The following INSYN2A variants were observed in gnomAD, a reference collection of about 807,000 sequenced individuals.
INSYN2A encodes inhibitory synaptic factor 2A, also known as family with sequence similarity 196 member A.
In INSYN2A, 17 loss-of-function variants were observed where a neutral mutation model predicts 39.4. The observed-to-expected ratio is 0.43, with a 90% CI of 0.30 to 0.65. The LOEUF is 0.65. INSYN2A is among the 30% of genes least tolerant of loss of function. The pLI is 0.14. For synonymous variants in INSYN2A, 255 were observed against 265.7 expected, an observed-to-expected ratio of 0.96 and a Z score of 0.39; for missense variants, 595 against 631.2, an observed-to-expected ratio of 0.94 and a Z score of 0.61.
At chr10:127,154,169 T>C (rs997476071) in intron 4 of INSYN2A, among the ~76,000 whole-genome samples, 2 of 152,318 alleles carry the variant, frequency 1.3e-5, no homozygotes, top group East Asian at 3.9e-4. Context: ...ATGAAGTAAA[T>C]AATATGATTT....
chr10:127,168,565 A>C (rs2054285747), intron 4 of INSYN2A, among the ~76,000 whole-genome samples: 1 of 152,184 alleles, frequency 6.6e-6, no homozygotes, highest in South Asian at 2.1e-4. Context: ...GAGACTGTCT[A>C]ATGTCACCCA....
intron 5 of INSYN2A, among the ~76,000 whole-genome samples, chr10:127,141,777 C>G (rs1232865888): frequency 1.3e-5 from 2 of 152,202 alleles, no homozygotes; most frequent in African/African-American, 4.8e-5. Flanking sequence ...CCTGTGTCCT[C>G]CCACAATGAG....
intron 4 of INSYN2A, among the ~76,000 whole-genome samples, chr10:127,155,583 G>C (rs969823079): frequency 6.6e-6 from 1 of 152,038 alleles, no homozygotes; most frequent in African/African-American, 2.4e-5. Flanking sequence ...CCCTCCCCTT[G>C]TTCCTCACCA....
At chr10:127,163,760 C>T (rs2053801620) in intron 4 of INSYN2A, among the ~76,000 whole-genome samples, 1 of 151,708 alleles carries the variant, frequency 6.6e-6, no homozygotes. Context: ...TAGTCTTGCA[C>T]CTAAACCAGG....
intron 5 of INSYN2A, among the ~76,000 whole-genome samples, chr10:127,149,539 G>T (rs2052273956): frequency 6.6e-6 from 1 of 152,210 alleles, no homozygotes; most frequent in Admixed American, 6.5e-5. Flanking sequence ...CTTGAACACA[G>T]TATCCTTTTC....
intron 4 of INSYN2A, among the ~76,000 whole-genome samples, chr10:127,165,965 G>T (rs1490721392): frequency 6.6e-6 from 1 of 152,214 alleles, no homozygotes; most frequent in Non-Finnish European, 1.5e-5. Context: ...TACCAGGCCT[G>T]GGAGGGTAGG....
chr10:127,179,895 T>C (rs2055562909), intron 2 of INSYN2A, among the ~76,000 whole-genome samples: 1 of 152,216 alleles, frequency 6.6e-6, no homozygotes, highest in Non-Finnish European at 1.5e-5. Context: ...GCATAGCAGT[T>C]GTGTTTTCTA....
intron 5 of INSYN2A, 63 bp from the exon 6 acceptor site, chr10:127,138,083 G>A (rs2050859899): frequency 1.4e-6 from 2 of 1,431,292 alleles, no homozygotes; most frequent in Non-Finnish European, 1.9e-6. Flanking sequence ...ATCCCTCTTA[G>A]TGTCAGCAAG....
At chr10:127,143,415 G>T (rs1228290175) in intron 5 of INSYN2A, among the ~76,000 whole-genome samples, 3 of 152,188 alleles carry the variant, frequency 2.0e-5, no homozygotes, top group Non-Finnish European at 4.4e-5. Context: ...GCTGACTCAG[G>T]CTCTACCACT....
At chr10:127,140,956 G>A (rs1431754364) in intron 5 of INSYN2A, among the ~76,000 whole-genome samples, 1 of 152,184 alleles carries the variant, frequency 6.6e-6, no homozygotes, top group Non-Finnish European at 1.5e-5. Context: ...GAGGGCCCAT[G>A]GCTCTTGCTT....
chr10:127,184,261 T>A (rs1167523), intron 2 of INSYN2A, among the ~76,000 whole-genome samples: 76,404 of 151,844 alleles, frequency 0.5, 20,792 homozygotes, highest in East Asian at 0.75. Flanking sequence ...TCTGTCAGTA[T>A]TTTTATGCTG....
chr10:127,173,743 A>G (rs2054801735), intron 4 of INSYN2A, among the ~76,000 whole-genome samples: 1 of 151,972 alleles, frequency 6.6e-6, no homozygotes, highest in Non-Finnish European at 1.5e-5. Flanking sequence ...GGTCTCCCCC[A>G]CCCCACGCCT....
rs1378549438 is a variant in INSYN2A, at chr10:127,136,144, GTGT to G, written c.*1690_*1692del. ...TTTTAAATTAAAGCATACAACTGCAGTGTTGTTTGGCCCCCGAAGAATGTTTAC... is the reference window on the plus strand; with the variant it reads ...TTTTAAATTAAAGCATACAACTGCAGTGTTTGGCCCCCGAAGAATGTTTAC... On this transcript the variant is annotated 3_prime_UTR_variant, in exon 6 of 6. Coordinates refer to ENST00000522781, the MANE Select transcript of INSYN2A (RefSeq NM_001039762.3). 5.9e-5 allele frequency: 9 copies of G among 152,254 alleles called. No homozygotes were observed. The highest frequency in any genetic ancestry group is 1.9e-4 in the African/African-American group (8 of 41,528). The allele number at this position is 152,254 out of a possible 1,614,324, so 9.4% of individuals were successfully genotyped here. A position where few individuals can be genotyped will look rare whatever the true frequency, so the allele number is the denominator to read the frequency against.
At chr10:127,148,706 G>A (rs2052167906) in intron 5 of INSYN2A, among the ~76,000 whole-genome samples, 1 of 152,184 alleles carries the variant, frequency 6.6e-6, no homozygotes, top group Non-Finnish European at 1.5e-5. Flanking sequence ...AGCTGCTTAT[G>A]AGCAAAGATT....
At chr10:127,153,982 G>C in intron 4 of INSYN2A, 59 bp from the exon 5 acceptor site, 2 of 1,244,142 alleles carry the variant, frequency 1.6e-6, no homozygotes, top group South Asian at 2.4e-5. Flanking sequence ...TGGCTTTATA[G>C]AGCAGATGCC....
At chr10:127,191,475 T>A (rs1189100590) in intron 2 of INSYN2A, among the ~76,000 whole-genome samples, 2 of 152,176 alleles carry the variant, frequency 1.3e-5, no homozygotes, top group Non-Finnish European at 2.9e-5. Context: ...CTGCATTTTT[T>A]AAGGATGCTA....
chr10:127,149,809 T>G (rs1478632735), intron 5 of INSYN2A, among the ~76,000 whole-genome samples: 1 of 152,166 alleles, frequency 6.6e-6, no homozygotes, highest in Non-Finnish European at 1.5e-5. Flanking sequence ...ATTTTGAAAT[T>G]CCTTTAAGCT....
At chr10:127,138,418 T>G (rs1212695546) in intron 5 of INSYN2A, among the ~76,000 whole-genome samples, 1 of 152,100 alleles carries the variant, frequency 6.6e-6, no homozygotes, top group Non-Finnish European at 1.5e-5. Flanking sequence ...CTATACCAAG[T>G]GCACGCAAGG....
chr10:127,176,519 T>TATAACATA lies in INSYN2A; in HGVS notation c.-5-120_-5-119insTATGTTAT, dbSNP rs2055178077. On this transcript the variant is annotated intron_variant, in intron 3 of 5. Transcript: ENST00000522781. The surrounding 1 kb of genome is among the most constrained non-coding windows in gnomAD (Gnocchi z 4.4). ...TGTTTCCTAATTATATTTAAGCAGG[T>TATAACATA]GAGGTCGGCCTTTATGTTAAGGAAA... The TATAACATA allele has an allele frequency of 1.2e-6, 1 of 823,558 alleles. No individual in the cohort carries two copies. Among genetic ancestry groups the TATAACATA allele is most frequent in the East Asian group, 2.6e-5 (1 of 37,912 alleles). 51.0% of individuals were successfully genotyped at this position (823,558 alleles called of 1,614,324 possible). A position where few individuals can be genotyped will look rare whatever the true frequency, so the allele number is the denominator to read the frequency against.
Sources: gnomAD v4.1 joint callset for allele counts (sites outside exome capture counted in the v4.1 genomes callset) on GRCh38, gnomAD v4.1.1 for gene constraint, Gnocchi (gnomAD v3.1) non-coding constraint, MANE v1.5 for transcripts, NCBI Gene and HGNC (gene_info 2026-07-23, HGNC 2026-07-21) for gene names.